The following DYNC1LI1 variants were observed in gnomAD, a reference collection of about 807,000 sequenced individuals.
DYNC1LI1 encodes cytoplasmic dynein 1 light intermediate chain 1.
Under a neutral mutation model 63.8 loss-of-function variants are expected in DYNC1LI1, and 19 were observed. The observed-to-expected ratio is 0.30, with a 90% CI of 0.21 to 0.44. The LOEUF is 0.44. Ranked by LOEUF, DYNC1LI1 falls within the 20% of genes least tolerant of loss-of-function variation. The pLI is 1.00. For synonymous variants in DYNC1LI1, 225 were observed against 232.3 expected (o/e 0.97, Z 0.28); for missense variants, 565 against 630.2 (o/e 0.90, Z 1.11).
Position 32,570,381 on chromosome 3 carries a change from G to T in DYNC1LI1, c.185C>A (p.Ser62Tyr), listed in dbSNP as rs1040866213. 3 of 1,606,434 alleles carry T rather than the reference G, an allele frequency of 1.9e-6. No homozygotes were observed. The highest frequency in any genetic ancestry group is 2.5e-6 in the Non-Finnish European group (3 of 1,177,408). The change falls in exon 2 of 13, where the codon TCC (serine) becomes TAC (tyrosine). Residue 62 changes from serine (S) to tyrosine (Y), a missense_variant. Coordinates refer to ENST00000273130, the MANE Select transcript of DYNC1LI1 (RefSeq NM_016141.4). ...ILSEVSTRSR[S>Y]KLPAGKNVLL... ...CACGTTCTTCCCCGCAGGGAGCTTGGAGCGCGAGCGGGTGGAGACCTCGCT... is the reference window on the plus strand; with the variant it reads ...CACGTTCTTCCCCGCAGGGAGCTTGTAGCGCGAGCGGGTGGAGACCTCGCT...
At chr3:32,551,166 A>C (rs1433501213) in intron 2 of DYNC1LI1, among the ~76,000 whole-genome samples, 1 of 152,186 alleles carries the variant, frequency 6.6e-6, no homozygotes, top group Admixed American at 6.5e-5. Context: ...TTACAACTAC[A>C]CCAGAGATAT....
At chr3:32,532,096 C>T (rs1198445634) in intron 8 of DYNC1LI1, 1 of 152,088 alleles carries the variant, frequency 6.6e-6, no homozygotes, top group Non-Finnish European at 1.5e-5. Context: ...GAACATTATA[C>T]ACTGCATGAA....
chr3:32,568,800 A>G (rs1340908832), intron 2 of DYNC1LI1, among the ~76,000 whole-genome samples: 4 of 152,348 alleles, frequency 2.6e-5, no homozygotes, highest in Middle Eastern at 3.4e-3. Context: ...GTTTCCAAAT[A>G]TTTAATTAAA....
chr3:32,539,479 G>C (rs777109815), intron 5 of DYNC1LI1, among the ~76,000 whole-genome samples: 6 of 151,860 alleles, frequency 4.0e-5, no homozygotes, highest in Non-Finnish European at 5.9e-5. Context: ...CATGACTTAC[G>C]AACAGTAAAA....
chr3:32,543,562 CTAA>C (rs1697911500), intron 4 of DYNC1LI1, among the ~76,000 whole-genome samples: 1 of 147,804 alleles, frequency 6.8e-6, no homozygotes, highest in Non-Finnish European at 1.5e-5. Flanking sequence ...CCATGCTGGG[CTAA>C]TTTTTTTTTT....
intron 2 of DYNC1LI1, among the ~76,000 whole-genome samples, chr3:32,557,088 A>T (rs1698124718): frequency 6.6e-6 from 1 of 152,210 alleles, no homozygotes; most frequent in Non-Finnish European, 1.5e-5. Context: ...TTGCCTTGCC[A>T]CAACCAAGCT....
intron 5 of DYNC1LI1, among the ~76,000 whole-genome samples, chr3:32,538,872 C>A (rs924986462): frequency 1.3e-4 from 20 of 152,124 alleles, no homozygotes; most frequent in Non-Finnish European, 1.9e-4. Flanking sequence ...TTTCTCCATA[C>A]CCCTATACAT....
chr3:32,533,056 T>G lies in DYNC1LI1; in HGVS notation c.1010A>C (p.His337Pro). ...TGCTTTTAATGTTTGAAAATTTTCA[T>G]GTAATATTCCTATTTTCTTATCATT... Reference protein sequence around the residue: ...WDNDKKIGILHENFQTLKAED... With the variant: ...WDNDKKIGILPENFQTLKAED... Residue 337 changes from histidine to proline, a missense_variant, in exon 8 of 13, where the codon CAT becomes CCT. His to Pro is a moderately conservative substitution (Grantham distance 77, BLOSUM62 -2). Transcript: ENST00000273130. 1 of 1,604,664 alleles carries G rather than the reference T, an allele frequency of 6.2e-7. No homozygotes were observed. The highest frequency in any genetic ancestry group is 8.5e-7 in the Non-Finnish European group (1 of 1,178,070).
At chr3:32,565,069 C>A (rs78579576) in intron 2 of DYNC1LI1, among the ~76,000 whole-genome samples, 3,271 of 152,246 alleles carry the variant, frequency 0.021, 174 homozygotes, top group East Asian at 0.2. Flanking sequence ...GGACTAATAC[C>A]TTCAGAGAAC....
At chr3:32,551,112 T>C (rs566554878) in intron 2 of DYNC1LI1, among the ~76,000 whole-genome samples, 2 of 152,018 alleles carry the variant, frequency 1.3e-5, no homozygotes, top group African/African-American at 2.4e-5. Context: ...AGCTCATAAA[T>C]TGGAAGGGGA....
intron 2 of DYNC1LI1, among the ~76,000 whole-genome samples, chr3:32,547,026 C>T (rs1374784838): frequency 4.6e-5 from 7 of 152,064 alleles, no homozygotes; most frequent in Non-Finnish European, 8.8e-5. Context: ...AGGTGGATCC[C>T]GAGGTCAGGA....
chr3:32,553,808 C>G (rs561482355), intron 2 of DYNC1LI1, among the ~76,000 whole-genome samples: 1 of 152,338 alleles, frequency 6.6e-6, no homozygotes, highest in East Asian at 1.9e-4. Context: ...CAAGTTCACA[C>G]AGGTAGGAAA....
At chr3:32,536,665 A>G (rs902561278) in intron 6 of DYNC1LI1, among the ~76,000 whole-genome samples, 2 of 152,168 alleles carry the variant, frequency 1.3e-5, no homozygotes, top group African/African-American at 4.8e-5. Flanking sequence ...CACAAAAAAC[A>G]CAATACTGAC....
At chr3:32,528,992 T>C (rs1007918251) in intron 11 of DYNC1LI1, among the ~76,000 whole-genome samples, 5 of 152,110 alleles carry the variant, frequency 3.3e-5, no homozygotes, top group African/African-American at 9.7e-5. Flanking sequence ...GGGCAAATGA[T>C]AGCAATAAAC....
chr3:32,560,971 C>T (rs1358300890), intron 2 of DYNC1LI1, among the ~76,000 whole-genome samples: 1 of 129,134 alleles, frequency 7.7e-6, no homozygotes, highest in African/African-American at 2.9e-5. Flanking sequence ...CACTGCACTC[C>T]AGCCTGGGCA....
intron 9 of DYNC1LI1, 55 bp downstream of exon 9, chr3:32,530,406 C>G: frequency 6.2e-7 from 1 of 1,601,408 alleles, no homozygotes. Flanking sequence ...AAAATACACA[C>G]AAGAACAGTT....
In DYNC1LI1 at chr3:32,570,792, T is replaced by G; in HGVS notation, c.-22A>C. ...CCATCTTGGTCGGGAATCACACCAC[T>G]CCCGGCAAGACTAAATGTGCGAGGC... On this transcript the variant is annotated 5_prime_UTR_variant, in exon 1 of 13. Transcript: ENST00000273130. 6.3e-7 allele frequency: 1 copy of G among 1,588,390 alleles called. No homozygotes were observed. Among genetic ancestry groups the G allele is most frequent in the Non-Finnish European group, 8.6e-7 (1 of 1,166,350 alleles).
intron 2 of DYNC1LI1, among the ~76,000 whole-genome samples, chr3:32,556,040 C>G (rs1698110269): frequency 6.6e-6 from 1 of 152,180 alleles, no homozygotes; most frequent in South Asian, 2.1e-4. Flanking sequence ...GCTCCCTTAC[C>G]TTTCCTGCCC....
chr3:32,532,882 T>A, intron 8 of DYNC1LI1, 104 bp downstream of exon 8: 3 of 1,391,944 alleles, frequency 2.2e-6, no homozygotes, highest in Non-Finnish European at 2.8e-6. Context: ...ACCCTCCAGA[T>A]GGAAAAGGAC....
Sources: allele counts gnomAD v4.1 joint callset (sites outside exome capture counted in the v4.1 genomes callset), GRCh38; gene constraint gnomAD v4.1.1; transcripts MANE v1.5; gene names NCBI Gene and HGNC (gene_info 2026-07-23, HGNC 2026-07-21).